Variants in IL1RAPL2 observed in about 807,000 individuals in gnomAD.
IL1RAPL2 encodes the protein X-linked interleukin-1 receptor accessory protein-like 2.
IL1RAPL2 carries 3 observed loss-of-function variants against 44.1 expected under a neutral mutation model. The observed-to-expected ratio is 0.07, with a 90% confidence interval of 0.03 to 0.18. IL1RAPL2 has a LOEUF of 0.18. IL1RAPL2 is among the 10% of genes least tolerant of loss of function. The pLI, the probability that IL1RAPL2 is intolerant of heterozygous loss-of-function variation, is 1.00. For synonymous variants in IL1RAPL2, 181 were observed against 178.8 expected (o/e 1.01, Z -0.10); for missense variants, 391 against 496.4 (o/e 0.79, Z 2.02).
intron 2 of IL1RAPL2, among the ~76,000 whole-genome samples, chrX:104,716,042 A>G (rs982043116): frequency 9.0e-6 from 1 of 111,602 alleles, no homozygotes. Context: ...ACTATACTAC[A>G]AGGCTACACT....
rs747693776 is a variant in IL1RAPL2, at chrX:105,588,076, C to T, written c.772+103689C>T. Among the ~76,000 whole-genome samples the T allele has an allele frequency of 1.4e-4, 16 of 111,120 alleles. No homozygotes were observed. The South Asian group carries it at 6.0e-3, about 42-fold the overall frequency. On this transcript the variant is annotated intron_variant, in intron 6 of 10. Coordinates refer to ENST00000372582, the MANE Select transcript of IL1RAPL2 (RefSeq NM_017416.2). The stretch of plus-strand genomic sequence containing the variant: ...TTACAATTTTAAAAAAGAAAAATTC[C>T]ATATATATGGATGATGTTATACTTA...
chrX:104,808,462 G>A lies in IL1RAPL2; in HGVS notation c.82+149467G>A, dbSNP rs183254896. Among the ~76,000 whole-genome samples the A allele has an allele frequency of 2.3e-3, 254 of 111,622 alleles. 1 individual carries two copies. The highest frequency in any genetic ancestry group is 7.9e-3 in the African/African-American group (244 of 30,781). The stretch of plus-strand genomic sequence containing the variant: ...GACCTTAGACTTTCCCCTGAAGGGA[G>A]TGAGGAGTTATTGAAGACTTTTGAG... On this transcript the variant is annotated intron_variant, in intron 2 of 10. Coordinates refer to ENST00000372582, the MANE Select transcript of IL1RAPL2 (RefSeq NM_017416.2).
At chrX:104,874,229 T>C (rs1473060252) in intron 2 of IL1RAPL2, among the ~76,000 whole-genome samples, 1 of 109,941 alleles carries the variant, frequency 9.1e-6, no homozygotes, top group Admixed American at 9.7e-5. Context: ...TTATCTTGTC[T>C]ATTTACAGAC....
chrX:105,076,858 A>T (rs1266050564), intron 2 of IL1RAPL2, among the ~76,000 whole-genome samples: 1 of 110,650 alleles, frequency 9.0e-6, no homozygotes, highest in Non-Finnish European at 1.9e-5. Context: ...CGAGACTAGG[A>T]TTGCAACCCC....
In IL1RAPL2 at chrX:104,627,470, C is replaced by T. The variant is rs773313257; in HGVS notation, c.-19-31425C>T. Among the ~76,000 whole-genome samples the T allele has an allele frequency of 4.3e-5, 4 of 92,746 alleles. No individual in the cohort carries two copies. In the South Asian group the frequency reaches 1.9e-3, roughly 45 times the overall value. 80.5% of individuals were successfully genotyped at this position (92,746 alleles called of 115,157 possible). On this transcript the variant is annotated intron_variant, in intron 1 of 10. Coordinates refer to ENST00000372582, the MANE Select transcript of IL1RAPL2 (RefSeq NM_017416.2). ...CACATTGTGCACATGTACCCTAAAA[C>T]TTAAAGTATAATAATAATAAAATAA...
chrX:105,028,767 A>C (rs1205306817), intron 2 of IL1RAPL2, among the ~76,000 whole-genome samples: 1 of 110,835 alleles, frequency 9.0e-6, no homozygotes, highest in Admixed American at 9.7e-5. Flanking sequence ...CATATCAAAG[A>C]AAGTGCTGGA....
At chrX:105,189,384 G>T (rs2033616095) in intron 2 of IL1RAPL2, among the ~76,000 whole-genome samples, 1 of 111,346 alleles carries the variant, frequency 9.0e-6, no homozygotes, top group African/African-American at 3.3e-5. Flanking sequence ...GGGATTACAG[G>T]CATGCCCCGC....
At chrX:105,065,483 A>AG (rs760717831) in intron 2 of IL1RAPL2, among the ~76,000 whole-genome samples, 11 of 112,037 alleles carry the variant, frequency 9.8e-5, no homozygotes, top group Non-Finnish European at 1.5e-4. Flanking sequence ...CAGAATAAAA[A>AG]GTGGGCAAGT....
intron 2 of IL1RAPL2, among the ~76,000 whole-genome samples, chrX:104,950,200 T>G (rs1176375271): frequency 2.7e-5 from 3 of 111,670 alleles, no homozygotes; most frequent in Non-Finnish European, 5.6e-5. Context: ...CTTTTGATCT[T>G]TGTTGGTTTA....
intron 2 of IL1RAPL2, among the ~76,000 whole-genome samples, chrX:104,726,470 G>A (rs1406975504): frequency 3.6e-5 from 4 of 111,464 alleles, no homozygotes; most frequent in Admixed American, 9.6e-5. Flanking sequence ...ATTACTTTGG[G>A]CAGTATGGCC....
rs1603018539 is a variant in IL1RAPL2 at position 105,220,713 on chromosome X, T to G, written c.357-13105T>G. 1.3e-5 allele frequency: 3 copies of G among 227,631 alleles called. No homozygotes were observed. In the East Asian group the frequency reaches 2.1e-4, roughly 16 times the overall value. 18.8% of individuals were successfully genotyped at this position (227,631 alleles called of 1,213,427 possible). Reference sequence around the variant, plus strand: ...GGGAAAGGAAGACTCAGGGCCAACGTCGGCTTTTACTCTGGGACTGTTCCA... The same window carrying G: ...GGGAAAGGAAGACTCAGGGCCAACGGCGGCTTTTACTCTGGGACTGTTCCA... On this transcript the variant is annotated intron_variant, in intron 3 of 10. Coordinates refer to ENST00000372582, the MANE Select transcript of IL1RAPL2 (RefSeq NM_017416.2).
chrX:104,665,683 T>C (rs1761719735), intron 2 of IL1RAPL2, among the ~76,000 whole-genome samples: 1 of 111,501 alleles, frequency 9.0e-6, no homozygotes, highest in African/African-American at 3.2e-5. Context: ...CTTCACATGA[T>C]ATTTATATCT....
At chrX:104,610,811 G>T (rs775446320) in intron 1 of IL1RAPL2, among the ~76,000 whole-genome samples, 1 of 111,558 alleles carries the variant, frequency 9.0e-6, no homozygotes, top group African/African-American at 3.3e-5. Flanking sequence ...AAAAGAGCCC[G>T]CATCGCCAAG....
intron 2 of IL1RAPL2, among the ~76,000 whole-genome samples, chrX:104,784,180 C>T (rs1353612365): frequency 1.8e-5 from 2 of 112,167 alleles, no homozygotes; most frequent in Non-Finnish European, 3.8e-5. Context: ...AACTTTACTG[C>T]ATAATCTTAT....
rs995163145 is a variant in IL1RAPL2 at position 104,658,753 on chromosome X, A to G, written c.-19-142A>G. 1.9e-5 allele frequency: 8 copies of G among 424,497 alleles called. No individual in the cohort carries two copies. In the Admixed American group the frequency reaches 2.0e-4, roughly 10 times the overall value. The allele number at this position is 424,497 out of a possible 1,213,427, so 35.0% of individuals were successfully genotyped here. ...ACTGTGAACTTTCATGTTTTCTTCT[A>G]TTTGCAAAAAATAAAGCCAGAAGAC... is the stretch of plus-strand genomic sequence containing the variant. On this transcript the variant is annotated intron_variant, in intron 1 of 10. Coordinates refer to ENST00000372582, the MANE Select transcript of IL1RAPL2 (RefSeq NM_017416.2).
chrX:105,279,244 G>A (rs1339380444), intron 5 of IL1RAPL2, among the ~76,000 whole-genome samples: 4 of 111,100 alleles, frequency 3.6e-5, no homozygotes, highest in Non-Finnish European at 7.5e-5. Flanking sequence ...TCAGAATCCT[G>A]TAAGGTATGT....
At chrX:105,741,308 T>C (rs1602550050) in intron 8 of IL1RAPL2, among the ~76,000 whole-genome samples, 1 of 111,553 alleles carries the variant, frequency 9.0e-6, no homozygotes. Flanking sequence ...ATAAAGGAGA[T>C]AAAAAACAGA....
chrX:105,260,501 A>C (rs762620023), intron 4 of IL1RAPL2, among the ~76,000 whole-genome samples: 2 of 112,274 alleles, frequency 1.8e-5, no homozygotes, highest in Admixed American at 1.9e-4. Context: ...CCAAAGCCTG[A>C]AGGTTGAAAT....
At chrX:104,954,792 G>A (rs1020902840) in intron 2 of IL1RAPL2, among the ~76,000 whole-genome samples, 5 of 112,778 alleles carry the variant, frequency 4.4e-5, no homozygotes, top group African/African-American at 1.6e-4. Flanking sequence ...CATATTGCAA[G>A]GCAGGCAACC....
Sources: allele counts gnomAD v4.1 joint callset (sites outside exome capture counted in the v4.1 genomes callset), GRCh38; gene constraint gnomAD v4.1.1; transcripts MANE v1.5; gene names NCBI Gene and HGNC (gene_info 2026-07-23, HGNC 2026-07-21).